Variants in DAP observed in about 807,000 individuals in gnomAD.
The protein encoded by DAP is death-associated protein 1.
A neutral mutation model predicts 13.8 loss-of-function variants in DAP; 8 were observed. That is an observed-to-expected ratio of 0.58 (90% CI 0.34 to 1.05). DAP has a LOEUF of 1.05. Ranked by LOEUF, DAP falls within the 50% of genes least tolerant of loss-of-function variation. DAP has a pLI of 0.03. For synonymous variants in DAP, 47 were observed against 47.5 expected (o/e 0.99, Z 0.04); for missense variants, 106 against 133.2 (o/e 0.80, Z 1.01).
chr5:10,729,185 A>G (rs939740965), intron 2 of DAP, among the ~76,000 whole-genome samples: 7 of 152,212 alleles, frequency 4.6e-5, no homozygotes, highest in Non-Finnish European at 1.5e-5. Context: ...CACTGAAGCC[A>G]GGTATAGCTG....
chr5:10,689,351 C>T (rs1738239834), intron 2 of DAP, among the ~76,000 whole-genome samples: 1 of 152,124 alleles, frequency 6.6e-6, no homozygotes, highest in Non-Finnish European at 1.5e-5. Flanking sequence ...TAAAGGAGAC[C>T]CCCAGCAGTA....
intron 2 of DAP, among the ~76,000 whole-genome samples, chr5:10,735,756 G>C (rs566437262): frequency 4.0e-4 from 61 of 152,292 alleles, no homozygotes; most frequent in Admixed American, 3.9e-3. Context: ...AGAATCATTT[G>C]CCATGTAAGC....
Position 10,680,404 on chromosome 5 carries a change from C to T in DAP, c.*652G>A. 2.9e-6 allele frequency: 1 copy of T among 341,638 alleles called. No individual in the cohort carries two copies. Among genetic ancestry groups the T allele is most frequent in the South Asian group, 3.8e-5 (1 of 26,428 alleles). 21.2% of individuals were successfully genotyped at this position (341,638 alleles called of 1,614,324 possible). ...CGAGATCTCATGCCAGAAGTCCTCC[C>T]TCGGAGCTACCTGTCTCCAGCCTCA... On this transcript the variant is annotated 3_prime_UTR_variant, in exon 4 of 4. Coordinates refer to ENST00000230895, the MANE Select transcript of DAP (RefSeq NM_004394.3).
intron 2 of DAP, among the ~76,000 whole-genome samples, chr5:10,733,364 G>C (rs1275504454): frequency 6.6e-6 from 1 of 152,144 alleles, no homozygotes; most frequent in Non-Finnish European, 1.5e-5. Context: ...GCCCAGAAGA[G>C]GACGAGGGCT....
chr5:10,734,082 C>G (rs1399469676), intron 2 of DAP: 1 of 152,188 alleles, frequency 6.6e-6, no homozygotes, highest in Non-Finnish European at 1.5e-5. Context: ...ATAGTGCAAC[C>G]TTTCAAGTCA....
chr5:10,747,544 A>C lies in DAP; in HGVS notation c.152+631T>G, dbSNP rs184146848. On this transcript the variant is annotated intron_variant, in intron 2 of 3. Transcript: ENST00000230895. Reference sequence around the variant, plus strand: ...AGAAGTTCTTGCCCCAGCTACACAGACAGCCAGGTCCACCCCTGAGGTTCA... The same window carrying C: ...AGAAGTTCTTGCCCCAGCTACACAGCCAGCCAGGTCCACCCCTGAGGTTCA... Among the ~76,000 whole-genome samples, 53 of 152,368 alleles carry C rather than the reference A, an allele frequency of 3.5e-4. No individual in the cohort carries two copies. The East Asian group carries it at 8.7e-3, about 25-fold the overall frequency.
chr5:10,756,300 A>G (rs1477774969), intron 1 of DAP, among the ~76,000 whole-genome samples: 1 of 105,734 alleles, frequency 9.5e-6, no homozygotes, highest in African/African-American at 3.9e-5. Flanking sequence ...TCTGGTCCTG[A>G]CTGGTTGACA....
chr5:10,761,072 G>A lies in DAP; in HGVS notation c.-4C>T. On this transcript the variant is annotated 5_prime_UTR_variant, in exon 1 of 4. Transcript: ENST00000230895. ...TCCCTTCGGGAGGCGAAGACATGACGCGGCGGGGCTTCCGCGGGGCCGAGG... is the reference window on the plus strand; with the variant it reads ...TCCCTTCGGGAGGCGAAGACATGACACGGCGGGGCTTCCGCGGGGCCGAGG... The A allele has an allele frequency of 1.6e-6, 2 of 1,214,810 alleles. No individual in the cohort carries two copies. The highest frequency in any genetic ancestry group is 2.1e-6 in the Non-Finnish European group (2 of 965,350). The allele number at this position is 1,214,810 out of a possible 1,614,324, so 75.3% of individuals were successfully genotyped here. A position where few individuals can be genotyped will look rare whatever the true frequency, so the allele number is the denominator to read the frequency against.
At chr5:10,746,430 G>C (rs1739908343) in intron 2 of DAP, among the ~76,000 whole-genome samples, 1 of 150,932 alleles carries the variant, frequency 6.6e-6, no homozygotes, top group Non-Finnish European at 1.5e-5. Flanking sequence ...CCTGAGTTCA[G>C]GGGGTTCTCC....
chr5:10,720,813 G>A (rs1362344504), intron 2 of DAP, among the ~76,000 whole-genome samples: 1 of 152,216 alleles, frequency 6.6e-6, no homozygotes, highest in East Asian at 1.9e-4. Flanking sequence ...TGGCATCATG[G>A]CAGAAATTTA....
chr5:10,712,209 G>A (rs1352443264), intron 2 of DAP, among the ~76,000 whole-genome samples: 1 of 152,138 alleles, frequency 6.6e-6, no homozygotes, highest in Non-Finnish European at 1.5e-5. Flanking sequence ...CAATGAGAAA[G>A]GCCTCAGAAG....
chr5:10,695,534 A>G (rs1738420128), intron 2 of DAP, among the ~76,000 whole-genome samples: 2 of 152,258 alleles, frequency 1.3e-5, no homozygotes, highest in Admixed American at 1.3e-4. Flanking sequence ...GTGCTTTTCT[A>G]GGTGAGAATG....
chr5:10,752,146 C>T (rs1013484219), intron 1 of DAP, among the ~76,000 whole-genome samples: 1 of 152,248 alleles, frequency 6.6e-6, no homozygotes, highest in African/African-American at 2.4e-5. Flanking sequence ...GGCAGCCTGT[C>T]CGCTCCTCTG....
Position 10,761,130 on chromosome 5 carries a change from C to A in DAP, c.-62G>T, listed in dbSNP as rs1740346613. On this transcript the variant is annotated 5_prime_UTR_variant, in exon 1 of 4. Coordinates refer to ENST00000230895, the MANE Select transcript of DAP (RefSeq NM_004394.3). ...GCGGTTCTCGGGCCGGGCGGGCGTG[C>A]GCGAGTGAGCTCAGGTGTGAGCGCC... The A allele has an allele frequency of 1.0e-5, 10 of 996,512 alleles. No individual in the cohort carries two copies. Among genetic ancestry groups the A allele is most frequent in the Non-Finnish European group, 1.3e-5 (10 of 781,744 alleles). The allele number at this position is 996,512 out of a possible 1,614,324, so 61.7% of individuals were successfully genotyped here.
intron 2 of DAP, among the ~76,000 whole-genome samples, chr5:10,684,702 C>T (rs5745282): frequency 0.042 from 6,328 of 152,310 alleles, 197 homozygotes; most frequent in South Asian, 0.08. Flanking sequence ...ATTATATACT[C>T]TTCTGTACAC....
At chr5:10,720,596 ATGG>A (rs1461140798) in intron 2 of DAP, among the ~76,000 whole-genome samples, 4 of 152,224 alleles carry the variant, frequency 2.6e-5, no homozygotes, top group Admixed American at 6.5e-5. Flanking sequence ...CAAAGTGGCC[ATGG>A]TGGCAGGGAT....
intron 2 of DAP, among the ~76,000 whole-genome samples, chr5:10,735,004 C>T (rs1315749382): frequency 1.3e-5 from 2 of 152,198 alleles, no homozygotes; most frequent in African/African-American, 4.8e-5. Context: ...CCATGCCCTT[C>T]ATCTGCTTTC....
chr5:10,759,028 A>G (rs1484858892), intron 1 of DAP, among the ~76,000 whole-genome samples: 1 of 152,170 alleles, frequency 6.6e-6, no homozygotes, highest in Non-Finnish European at 1.5e-5. Flanking sequence ...CTCTACTAAA[A>G]ATACAAAAAT....
intron 2 of DAP, among the ~76,000 whole-genome samples, chr5:10,715,815 C>G (rs1738970657): frequency 6.6e-6 from 1 of 152,168 alleles, no homozygotes; most frequent in Non-Finnish European, 1.5e-5. Flanking sequence ...CATGGAATTC[C>G]AACAAGGAGC....
Sources: allele counts gnomAD v4.1 joint callset (sites outside exome capture counted in the v4.1 genomes callset), GRCh38; gene constraint gnomAD v4.1.1; transcripts MANE v1.5; gene names NCBI Gene and HGNC (gene_info 2026-07-23, HGNC 2026-07-21).